PTPRD: variants seen among roughly 807,000 people sequenced by gnomAD.
PTPRD encodes protein tyrosine phosphatase receptor type D.
Under a neutral mutation model 214.5 loss-of-function variants are expected in PTPRD, and 34 were observed. The observed-to-expected ratio is 0.16, with a 90% CI of 0.12 to 0.21. The LOEUF (loss-of-function observed/expected upper bound fraction) is 0.21. Among genes scored for constraint, PTPRD ranks in the 10% least tolerant of loss-of-function variants. PTPRD has a pLI of 1.00. For synonymous variants in PTPRD, 1,128 were observed against 845.7 expected (o/e 1.33, Z -5.79); for missense variants, 2,545 against 2,398.7 (o/e 1.06, Z -1.27).
intron 11 of PTPRD, among the ~76,000 whole-genome samples, chr9:8,854,438 T>C (rs1478336260): frequency 1.3e-5 from 2 of 152,240 alleles, no homozygotes; most frequent in Non-Finnish European, 2.9e-5. Context: ...TAATTATGCA[T>C]AGAATCCTTT....
At chr9:9,643,511 A>G (rs759452604) in intron 7 of PTPRD, among the ~76,000 whole-genome samples, 9 of 152,162 alleles carry the variant, frequency 5.9e-5, no homozygotes, top group Non-Finnish European at 1.2e-4. Flanking sequence ...TTCTTCATGA[A>G]GGAAACAAAT....
intron 11 of PTPRD, among the ~76,000 whole-genome samples, chr9:8,760,234 G>A (rs1201648349): frequency 6.6e-6 from 1 of 151,942 alleles, no homozygotes; most frequent in Middle Eastern, 3.2e-3. Context: ...AAGAAGCTTA[G>A]TCAGAATTTT....
chr9:8,940,191 T>C (rs7047466), intron 11 of PTPRD, among the ~76,000 whole-genome samples: 73,883 of 150,526 alleles, frequency 0.49, 18,573 homozygotes, highest in East Asian at 0.76. Context: ...CATGGTTCAA[T>C]CCCTGATACC....
At position 8,499,847 on chromosome 9, in the gene PTPRD, C is replaced by T. The variant is rs777174424; in HGVS notation, c.2129-7G>A. 1 of 1,600,984 alleles carries T rather than the reference C, an allele frequency of 6.2e-7. No homozygotes were observed. Among genetic ancestry groups the T allele is most frequent in the Non-Finnish European group, 8.5e-7 (1 of 1,174,220 alleles). ...CGAGGAGGACCACTAGGAACTGGAA[C>T]AACATCATTGGATAAAAGAAATTAT... is the stretch of plus-strand genomic sequence containing the variant. On this transcript the variant is annotated splice_region_variant and splice_polypyrimidine_tract_variant and intron_variant, in intron 24 of 45. Coordinates refer to ENST00000381196, the MANE Select transcript of PTPRD (RefSeq NM_002839.4).
At chr9:9,358,759 T>C (rs993671611) in intron 9 of PTPRD, among the ~76,000 whole-genome samples, 2 of 151,342 alleles carry the variant, frequency 1.3e-5, no homozygotes, top group Non-Finnish European at 3.0e-5. Context: ...ATTCAGTCTT[T>C]GTGATTAATC....
chr9:10,592,186 A>G (rs2075624443), intron 2 of PTPRD, among the ~76,000 whole-genome samples: 1 of 152,036 alleles, frequency 6.6e-6, no homozygotes, highest in Non-Finnish European at 1.5e-5. Flanking sequence ...CCCCAGGAAG[A>G]TAGCTATATG....
intron 39 of PTPRD, among the ~76,000 whole-genome samples, chr9:8,349,608 T>TA (rs2074860685): frequency 6.6e-6 from 1 of 152,170 alleles, no homozygotes; most frequent in Non-Finnish European, 1.5e-5. Flanking sequence ...CCCTTATTTT[T>TA]ATCTGTTTTC....
In PTPRD at chr9:8,871,577, C is replaced by G. The variant is rs57986047; in HGVS notation, c.-103-137631G>C. Among the ~76,000 whole-genome samples, 6 of 152,140 alleles carry G rather than the reference C, an allele frequency of 3.9e-5. No homozygotes were observed. In the South Asian group the frequency reaches 1.2e-3, roughly 32 times the overall value. Reference sequence around the variant, plus strand: ...CCAAGTTCTTGATCTTATCCAGTGACTGACTTTTCATGACCTTTGGAAGTA... The same window carrying G: ...CCAAGTTCTTGATCTTATCCAGTGAGTGACTTTTCATGACCTTTGGAAGTA... On this transcript the variant is annotated intron_variant, in intron 11 of 45. Transcript: ENST00000381196.
At chr9:9,208,915 C>G (rs1011091421) in intron 9 of PTPRD, among the ~76,000 whole-genome samples, 27 of 151,886 alleles carry the variant, frequency 1.8e-4, no homozygotes, top group African/African-American at 6.3e-4. Flanking sequence ...TCACGCCATT[C>G]TCTTGCCTCA....
intron 8 of PTPRD, among the ~76,000 whole-genome samples, chr9:9,432,121 A>AAT (rs980609687): frequency 6.6e-6 from 1 of 150,778 alleles, no homozygotes; most frequent in East Asian, 1.9e-4. Context: ...AAGGGCACGC[A>AAT]ATATATATAT....
intron 11 of PTPRD, among the ~76,000 whole-genome samples, chr9:8,842,542 C>T (rs77899243): frequency 0.036 from 5,463 of 152,156 alleles, 130 homozygotes; most frequent in African/African-American, 0.063. Flanking sequence ...AAACCTTATA[C>T]TTAACTCTCA....
chr9:9,274,077 T>C (rs953075314), intron 9 of PTPRD, among the ~76,000 whole-genome samples: 8 of 151,264 alleles, frequency 5.3e-5, no homozygotes, highest in Non-Finnish European at 7.4e-5. Flanking sequence ...CCCTGTATAC[T>C]ATTTTTTTAA....
chr9:8,827,990 T>G (rs1158912783), intron 11 of PTPRD, among the ~76,000 whole-genome samples: 1 of 152,186 alleles, frequency 6.6e-6, no homozygotes, highest in African/African-American at 2.4e-5. Flanking sequence ...AATAATATAT[T>G]CAATACTGTG....
intron 5 of PTPRD, among the ~76,000 whole-genome samples, chr9:9,937,017 T>C (rs924899136): frequency 7.9e-5 from 12 of 151,956 alleles, no homozygotes; most frequent in South Asian, 2.1e-4. Flanking sequence ...TAGGTGGGAA[T>C]TGAACAATGA....
At chr9:10,118,855 G>C (rs565690449) in intron 3 of PTPRD, among the ~76,000 whole-genome samples, 45 of 123,642 alleles carry the variant, frequency 3.6e-4, no homozygotes, top group African/African-American at 1.2e-3. Context: ...AAAGAAGCTG[G>C]GAAATACACC....
intron 4 of PTPRD, among the ~76,000 whole-genome samples, chr9:9,947,984 C>T (rs559756812): frequency 2.0e-5 from 3 of 151,790 alleles, no homozygotes; most frequent in African/African-American, 7.2e-5. Context: ...CAGGAATATC[C>T]TGGTAGCAAG....
rs138825793 is a variant in PTPRD, at chr9:8,809,947, C to A, written c.-103-76001G>T. ...AAGAGATAAGCTCCAATTTGACACG[C>A]TCTTGCAGAACTATCACCTGCTATC... On this transcript the variant is annotated intron_variant, in intron 11 of 45. Coordinates refer to ENST00000381196, the MANE Select transcript of PTPRD (RefSeq NM_002839.4). Among the ~76,000 whole-genome samples the A allele has an allele frequency of 1.6e-3, 247 of 152,298 alleles. 2 individuals are homozygous for A. The highest frequency in any genetic ancestry group is 2.8e-3 in the Admixed American group (43 of 15,294).
intron 14 of PTPRD, among the ~76,000 whole-genome samples, chr9:8,540,054 G>A (rs117351733): frequency 3.4e-4 from 51 of 152,186 alleles, no homozygotes; most frequent in Non-Finnish European, 6.3e-4. Context: ...TGACAGGCAA[G>A]GCATCATGTC....
intron 11 of PTPRD, among the ~76,000 whole-genome samples, chr9:8,930,539 T>C (rs545625129): frequency 2.4e-3 from 370 of 152,254 alleles, no homozygotes; most frequent in South Asian, 0.013. Flanking sequence ...ATCGCCACAC[T>C]GTCTTCCACA....
Sources: gnomAD v4.1 joint callset for allele counts (sites outside exome capture counted in the v4.1 genomes callset) on GRCh38, gnomAD v4.1.1 for gene constraint, MANE v1.5 for transcripts, NCBI Gene and HGNC (gene_info 2026-07-23, HGNC 2026-07-21) for gene names.